Variants in LRFN2 observed in about 807,000 individuals in gnomAD.
The protein encoded by LRFN2 is leucine rich repeat and fibronectin type III domain containing 2.
A neutral mutation model predicts 37.3 loss-of-function variants in LRFN2; 18 were observed. The observed-to-expected ratio is 0.48, with a 90% CI of 0.33 to 0.72. LRFN2 has a LOEUF of 0.72. Among genes scored for constraint, LRFN2 ranks in the 30% least tolerant of loss-of-function variants. The probability of loss-of-function intolerance (pLI) is 0.02; values close to 1 mark genes in which losing one functional copy is unlikely to be tolerated. For synonymous variants in LRFN2, 556 were observed against 466.6 expected, an observed-to-expected ratio of 1.19 and a Z score of -2.47; for missense variants, 1,006 against 1,060.7, an observed-to-expected ratio of 0.95 and a Z score of 0.72.
intron 1 of LRFN2, among the ~76,000 whole-genome samples, chr6:40,504,372 C>A (rs975177398): frequency 1.3e-5 from 2 of 152,162 alleles, no homozygotes; most frequent in Admixed American, 6.5e-5. Context: ...CGATCTTAAA[C>A]ATGAAAGGCT....
chr6:40,396,739 CGT>C (rs1762625008), intron 2 of LRFN2, among the ~76,000 whole-genome samples: 2 of 133,280 alleles, frequency 1.5e-5, no homozygotes, highest in Admixed American at 1.5e-4. Context: ...TGTATGTGTG[CGT>C]GTGTACGTCT....
At chr6:40,487,420 C>T (rs1051893095) in intron 1 of LRFN2, among the ~76,000 whole-genome samples, 19 of 152,318 alleles carry the variant, frequency 1.2e-4, no homozygotes, top group Admixed American at 1.1e-3. Context: ...TCTGGCAGGG[C>T]GTCAATGAGT....
At chr6:40,532,000 G>C (rs1336655395) in intron 1 of LRFN2, among the ~76,000 whole-genome samples, 6 of 152,172 alleles carry the variant, frequency 3.9e-5, no homozygotes, top group African/African-American at 1.4e-4. Context: ...AATTCTTCAG[G>C]TGTCCGCACA....
At chr6:40,417,894 C>T (rs1763132872) in intron 2 of LRFN2, among the ~76,000 whole-genome samples, 1 of 152,170 alleles carries the variant, frequency 6.6e-6, no homozygotes, top group Admixed American at 6.5e-5. Context: ...CAAGATACAG[C>T]TAAAACTCTG....
At chr6:40,484,926 G>A (rs1764919931) in intron 1 of LRFN2, among the ~76,000 whole-genome samples, 1 of 152,198 alleles carries the variant, frequency 6.6e-6, no homozygotes. Flanking sequence ...AGAGATCAGA[G>A]AGTTTTGAGA....
In LRFN2 at chr6:40,459,571, T is replaced by G. The variant is rs148751765; in HGVS notation, c.-18-26440A>C. Among the ~76,000 whole-genome samples the G allele has an allele frequency of 9.4e-3, 1,429 of 152,328 alleles. 8 individuals are homozygous for G. Among genetic ancestry groups the G allele is most frequent in the Non-Finnish European group, 0.015 (1,047 of 68,036 alleles). On this transcript the variant is annotated intron_variant, in intron 1 of 2. Transcript: ENST00000338305. Reference sequence around the variant, plus strand: ...TCCTACTGTCCTCCCCTCTCATCTCTGCAGGGCCTAATCCTATCAGTCTTT... The same window carrying G: ...TCCTACTGTCCTCCCCTCTCATCTCGGCAGGGCCTAATCCTATCAGTCTTT...
rs189685098 is a variant in LRFN2, at chr6:40,437,880, G to T, written c.-18-4749C>A. 7.2e-5 allele frequency among the ~76,000 whole-genome samples: 11 copies of T among 152,264 alleles called. No individual in the cohort carries two copies. The East Asian group carries it at 2.1e-3, about 29-fold the overall frequency. On this transcript the variant is annotated intron_variant, in intron 1 of 2. Coordinates refer to ENST00000338305, the MANE Select transcript of LRFN2 (RefSeq NM_020737.3). ...AGAGGAACCAGGATATCCTCCATCT[G>T]GGCTCACAACAGAATATTCAGAAGC... is the stretch of plus-strand genomic sequence containing the variant.
chr6:40,525,313 C>T (rs1323222853), intron 1 of LRFN2, among the ~76,000 whole-genome samples: 2 of 152,224 alleles, frequency 1.3e-5, no homozygotes, highest in East Asian at 3.9e-4. Context: ...AGGCAAATTA[C>T]AGCCTCTCAA....
intron 1 of LRFN2, among the ~76,000 whole-genome samples, chr6:40,465,156 G>A (rs1313334434): frequency 6.6e-6 from 1 of 152,024 alleles, no homozygotes; most frequent in Non-Finnish European, 1.5e-5. Flanking sequence ...TGAGGGATGG[G>A]GTCATAAGCT....
At chr6:40,421,319 G>A (rs1763224537) in intron 2 of LRFN2, among the ~76,000 whole-genome samples, 1 of 152,212 alleles carries the variant, frequency 6.6e-6, no homozygotes. Context: ...CCATGATGCA[G>A]CCTCAGGGGG....
intron 2 of LRFN2, among the ~76,000 whole-genome samples, chr6:40,399,475 G>T (rs1762690247): frequency 7.8e-6 from 1 of 128,498 alleles, no homozygotes; most frequent in Admixed American, 9.8e-5. Context: ...TCACTCTGTA[G>T]CCCAAGCTGA....
intron 1 of LRFN2, among the ~76,000 whole-genome samples, chr6:40,469,696 A>G (rs991061429): frequency 6.6e-6 from 1 of 152,156 alleles, no homozygotes; most frequent in African/African-American, 2.4e-5. Context: ...CAGTCCCACA[A>G]ACCCACCTGC....
intron 1 of LRFN2, among the ~76,000 whole-genome samples, chr6:40,549,348 C>A (rs898340908): frequency 6.6e-6 from 1 of 152,122 alleles, no homozygotes; most frequent in Non-Finnish European, 1.5e-5. Context: ...CATGCAGTGA[C>A]AAGGAGGGTG....
intron 1 of LRFN2, among the ~76,000 whole-genome samples, chr6:40,445,556 G>A (rs954965376): frequency 2.6e-5 from 4 of 152,300 alleles, no homozygotes; most frequent in Admixed American, 1.3e-4. Flanking sequence ...TCTTAATGAG[G>A]ACATTCTAGA....
At chr6:40,539,462 G>A (rs556548825) in intron 1 of LRFN2, among the ~76,000 whole-genome samples, 3 of 152,210 alleles carry the variant, frequency 2.0e-5, no homozygotes, top group Non-Finnish European at 4.4e-5. Flanking sequence ...CAGCAGCCTT[G>A]GGAAGCTTCC....
chr6:40,424,995 T>A (rs1358495529), intron 2 of LRFN2, among the ~76,000 whole-genome samples: 1 of 152,192 alleles, frequency 6.6e-6, no homozygotes, highest in Non-Finnish European at 1.5e-5. Flanking sequence ...AGTGGTAAGG[T>A]CCTGATGGGG....
At chr6:40,504,563 C>A (rs899217039) in intron 1 of LRFN2, among the ~76,000 whole-genome samples, 2 of 152,046 alleles carry the variant, frequency 1.3e-5, no homozygotes, top group African/African-American at 4.8e-5. Flanking sequence ...GAGCTGTGGG[C>A]AAATGAGAGC....
At chr6:40,581,965 C>T (rs908544392) in intron 1 of LRFN2, among the ~76,000 whole-genome samples, 2 of 152,126 alleles carry the variant, frequency 1.3e-5, no homozygotes, top group African/African-American at 2.4e-5. Context: ...CTAAAGCCGC[C>T]TTAACAGGAG....
rs35298871 is a variant in LRFN2 at position 40,470,002 on chromosome 6, G to A, written c.-18-36871C>T. On this transcript the variant is annotated intron_variant, in intron 1 of 2. Transcript: ENST00000338305. ...GAGCAGAGGGACAGACTTGTAACCC[G>A]GAGCCAGTCCCTTCCTTTTGAATTC... Among the ~76,000 whole-genome samples the A allele has an allele frequency of 1.4e-4, 21 of 152,314 alleles. No individual in the cohort carries two copies. The South Asian group carries it at 1.5e-3, about 11-fold the overall frequency.
Sources: gnomAD v4.1 joint callset for allele counts (sites outside exome capture counted in the v4.1 genomes callset) on GRCh38, gnomAD v4.1.1 for gene constraint, MANE v1.5 for transcripts, NCBI Gene and HGNC (gene_info 2026-07-23, HGNC 2026-07-21) for gene names.